CCDC88A: variants seen among roughly 807,000 people sequenced by gnomAD.
The protein encoded by CCDC88A is coiled-coil and HOOK domain protein 88A.
In CCDC88A, 54 loss-of-function variants were observed where a neutral mutation model predicts 234.3. The ratio of observed to expected loss-of-function variants is 0.23; its 90% confidence interval spans 0.19 to 0.29. The LOEUF (loss-of-function observed/expected upper bound fraction) is 0.29, where lower values mean the gene tolerates loss of function less well. Among genes scored for constraint, CCDC88A ranks in the 10% least tolerant of loss-of-function variants. The pLI is 1.00. For missense variants in CCDC88A, 1,832 were observed against 2,123.4 expected, an observed-to-expected ratio of 0.86 and a Z score of 2.70; for synonymous variants, 753 against 737.8, an observed-to-expected ratio of 1.02 and a Z score of -0.33.
intron 6 of CCDC88A, 73 bp downstream of exon 6, chr2:55,363,877 A>C: frequency 2.7e-6 from 2 of 749,822 alleles, no homozygotes; most frequent in Middle Eastern, 2.4e-4. Context: ...ACTTTGAAGT[A>C]TTTTAGGAGA....
chr2:55,366,546 C>T (rs993162705), intron 5 of CCDC88A, among the ~76,000 whole-genome samples: 145 of 145,544 alleles, frequency 1.0e-3, no homozygotes, highest in African/African-American at 3.5e-3. Flanking sequence ...CACACACACA[C>T]ACACACACAC....
rs371006448 is a variant in CCDC88A, at chr2:55,411,633, A to C, written c.164+7183T>G. On this transcript the variant is annotated intron_variant, in intron 2 of 32. Coordinates refer to ENST00000436346, the MANE Select transcript of CCDC88A (RefSeq NM_001365480.1). ...GTCTCTACTAAAAACACAAAACTTC[A>C]CCAGGCACGGTGGTGGGCACCTTGT... Among the ~76,000 whole-genome samples the C allele has an allele frequency of 1.3e-4, 19 of 151,202 alleles. No homozygotes were observed. In the East Asian group the frequency reaches 3.3e-3, roughly 26 times the overall value.
At chr2:55,369,440 T>G (rs996987492) in intron 5 of CCDC88A, among the ~76,000 whole-genome samples, 2 of 139,640 alleles carry the variant, frequency 1.4e-5, no homozygotes, top group African/African-American at 5.6e-5. Context: ...ATCCTACGTT[T>G]CAACCACACT....
At chr2:55,379,760 A>T (rs1254448289) in intron 3 of CCDC88A, among the ~76,000 whole-genome samples, 5 of 151,992 alleles carry the variant, frequency 3.3e-5, no homozygotes, top group Admixed American at 3.3e-4. Context: ...CTAAAAATAG[A>T]AAATTAGCCA....
chr2:55,340,125 T>C (rs1267000867), intron 12 of CCDC88A: 4 of 152,488 alleles, frequency 2.6e-5, no homozygotes, highest in South Asian at 2.1e-4. Context: ...AGCTAAGAGA[T>C]ACATGTTTAA....
chr2:55,410,845 A>T (rs1003007903), intron 2 of CCDC88A, among the ~76,000 whole-genome samples: 1 of 152,056 alleles, frequency 6.6e-6, no homozygotes, highest in African/African-American at 2.4e-5. Flanking sequence ...GTGAACCAAG[A>T]TCTCGCCACT....
At chr2:55,346,441 T>TGAC (rs1439092356) in intron 9 of CCDC88A, 108 bp from the exon 10 acceptor site, 1 of 616,602 alleles carries the variant, frequency 1.6e-6, no homozygotes, top group Non-Finnish European at 2.5e-6. Flanking sequence ...TTATTTGAGA[T>TGAC]GGAGTTTCAC....
rs1453248090 is a variant in CCDC88A at position 55,332,683 on chromosome 2, C to G, written c.2738G>C (p.Ser913Thr). 1 of 1,611,920 alleles carries G rather than the reference C, an allele frequency of 6.2e-7. No individual in the cohort carries two copies. Among genetic ancestry groups the G allele is most frequent in the Non-Finnish European group, 8.5e-7 (1 of 1,178,978 alleles). ...TLVTLREDLV[S>T]EKLKTQQMNN... ...CATCTGTTGGGTCTTCAACTTTTCA[C>G]TCACCAAATCCTTATTTTAAAAGAA... Residue 913 changes from serine (S) to threonine (T), a missense_variant, in exon 16 of 33, where the codon AGT (serine) becomes ACT (threonine). Around this residue, in one of 6 missense-constraint regions of CCDC88A, gnomAD observed 1,282 missense variants for 1,543.6 expected, o/e 0.83. Transcript: ENST00000436346. This position sits in a 1 kb window ranked among gnomAD's most constrained non-coding sequence, Gnocchi z 4.5.
At chr2:55,306,706 C>T (rs769720273) in intron 25 of CCDC88A, among the ~76,000 whole-genome samples, 16 of 152,098 alleles carry the variant, frequency 1.1e-4, no homozygotes, top group Non-Finnish European at 2.2e-4. Context: ...CTGCCTCAGC[C>T]TCCTGAGTAG....
At chr2:55,350,901 C>T (rs1235046453) in intron 8 of CCDC88A, among the ~76,000 whole-genome samples, 2 of 152,178 alleles carry the variant, frequency 1.3e-5, no homozygotes, top group African/African-American at 4.8e-5. Flanking sequence ...ATCTTCCTGC[C>T]TCAGCCTCCC....
intron 31 of CCDC88A, chr2:55,294,294 G>C: frequency 2.0e-6 from 2 of 978,310 alleles, no homozygotes; most frequent in Non-Finnish European, 2.4e-6. Flanking sequence ...TTGAGCTCTT[G>C]TATTTATCAG....
At chr2:55,343,158 G>C (rs1208281241) in intron 12 of CCDC88A, among the ~76,000 whole-genome samples, 1 of 152,048 alleles carries the variant, frequency 6.6e-6, no homozygotes, top group East Asian at 1.9e-4. Flanking sequence ...GGGCTGGTTG[G>C]CAGGTATAAT....
In CCDC88A at chr2:55,419,697, AGCCCCCTTCCCCTCCCGGGGGTGGG is replaced by A. The variant is rs1682002774; in HGVS notation, c.-643_-619del. On this transcript the variant is annotated 5_prime_UTR_variant, in exon 1 of 33. Coordinates refer to ENST00000436346, the MANE Select transcript of CCDC88A (RefSeq NM_001365480.1). Reference sequence around the variant, plus strand: ...TCCGCCGCCCTCAAGCCTCGCCTCCAGCCCCCTTCCCCTCCCGGGGGTGGGGGCTTGAATGTGTGTCCCTAACCCC... The same window carrying A: ...TCCGCCGCCCTCAAGCCTCGCCTCCAGGCTTGAATGTGTGTCCCTAACCCC... The A allele has an allele frequency of 6.7e-6, 1 of 148,250 alleles. No homozygotes were observed. The highest frequency in any genetic ancestry group is 1.5e-5 in the Non-Finnish European group (1 of 67,216). The allele number at this position is 148,250 out of a possible 1,614,324, so 9.2% of individuals were successfully genotyped here.
Position 55,322,515 on chromosome 2 carries a change from T to TA in CCDC88A, c.3162+12dup. The TA allele has an allele frequency of 6.7e-7, 1 of 1,490,378 alleles. No homozygotes were observed. Among genetic ancestry groups the TA allele is most frequent in the South Asian group, 1.2e-5 (1 of 82,984 alleles). The allele number at this position is 1,490,378 out of a possible 1,614,324, so 92.3% of individuals were successfully genotyped here. A position where few individuals can be genotyped will look rare whatever the true frequency, so the allele number is the denominator to read the frequency against. ...AAAAAAAACTATTTCTACTAAAATT[T>TA]AAAAATACTTACATTTCTTTCTACT... On this transcript the variant is annotated intron_variant, in intron 18 of 32. Transcript: ENST00000436346.
intron 5 of CCDC88A, among the ~76,000 whole-genome samples, chr2:55,369,723 C>A (rs1213525839): frequency 6.6e-6 from 1 of 152,138 alleles, no homozygotes; most frequent in Non-Finnish European, 1.5e-5. Flanking sequence ...CCTGGCCCAA[C>A]CACACTTCAT....
At chr2:55,294,905 A>T in intron 31 of CCDC88A, 2 of 1,134,274 alleles carry the variant, frequency 1.8e-6, no homozygotes, top group Non-Finnish European at 1.1e-6. Context: ...ATTCACATTA[A>T]TATACATGCC....
At chr2:55,352,313 C>T (rs931902730) in intron 8 of CCDC88A, among the ~76,000 whole-genome samples, 2 of 151,822 alleles carry the variant, frequency 1.3e-5, no homozygotes, top group African/African-American at 2.4e-5. Context: ...GCCTGTAATC[C>T]CAGCTACTCA....
chr2:55,301,155 T>C, intron 28 of CCDC88A, 51 bp downstream of exon 28: 4 of 1,092,728 alleles, frequency 3.7e-6, no homozygotes. Flanking sequence ...AGTCCTAGCA[T>C]TCCCATTCTG....
chr2:55,359,474 G>T (rs1358815543), intron 7 of CCDC88A, among the ~76,000 whole-genome samples: 2 of 151,868 alleles, frequency 1.3e-5, no homozygotes, highest in Non-Finnish European at 2.9e-5. Flanking sequence ...AACTTCTTGA[G>T]TTCAAGGCTT....
Sources: allele counts gnomAD v4.1 joint callset (sites outside exome capture counted in the v4.1 genomes callset), GRCh38; gene constraint gnomAD v4.1.1; regional missense constraint gnomAD v4.1.1; non-coding constraint Gnocchi (gnomAD v3.1); transcripts MANE v1.5; gene names NCBI Gene and HGNC (gene_info 2026-07-23, HGNC 2026-07-21).